Variants in SEMA5A observed in about 807,000 individuals in gnomAD.
SEMA5A encodes semaphorin-5A.
In SEMA5A, 55 loss-of-function variants were observed where a neutral mutation model predicts 135.5. The observed-to-expected ratio is 0.41, with a 90% CI of 0.33 to 0.51. SEMA5A has a LOEUF of 0.51. SEMA5A is among the 20% of genes least tolerant of loss of function. SEMA5A has a pLI of 0.37. For synonymous variants in SEMA5A, 580 were observed against 546.5 expected (o/e 1.06, Z -0.85); for missense variants, 1,290 against 1,419.9 (o/e 0.91, Z 1.47).
intron 8 of SEMA5A, among the ~76,000 whole-genome samples, chr5:9,202,968 A>G (rs1293715995): frequency 6.6e-6 from 1 of 152,168 alleles, no homozygotes; most frequent in Non-Finnish European, 1.5e-5. Context: ...TAGTTTTAAA[A>G]TGGGGAAACA....
chr5:9,527,627 A>C (rs956655705), intron 1 of SEMA5A, among the ~76,000 whole-genome samples: 1 of 152,244 alleles, frequency 6.6e-6, no homozygotes, highest in Non-Finnish European at 1.5e-5. Flanking sequence ...TATTTCTTGA[A>C]TCATCACAAA....
chr5:9,068,118 G>GT (rs1554023192), intron 16 of SEMA5A, among the ~76,000 whole-genome samples: 1 of 152,108 alleles, frequency 6.6e-6, no homozygotes, highest in Non-Finnish European at 1.5e-5. Flanking sequence ...TATAGCTTCT[G>GT]TATCTTCTAA....
At chr5:9,488,633 A>G (rs1279538934) in intron 1 of SEMA5A, among the ~76,000 whole-genome samples, 2 of 152,124 alleles carry the variant, frequency 1.3e-5, no homozygotes, top group East Asian at 1.9e-4. Flanking sequence ...AAGTTAATCA[A>G]TTCCTACACT....
chr5:9,404,219 C>T (rs550500743), intron 2 of SEMA5A, among the ~76,000 whole-genome samples: 1 of 152,294 alleles, frequency 6.6e-6, no homozygotes, highest in South Asian at 2.1e-4. Context: ...CAGGCGTGAG[C>T]CACCATGCCT....
intron 11 of SEMA5A, among the ~76,000 whole-genome samples, chr5:9,160,417 A>T (rs138749474): frequency 2.8e-4 from 42 of 152,294 alleles, no homozygotes; most frequent in African/African-American, 9.9e-4. Context: ...ATGCAAAGAA[A>T]AGTTCACATA....
intron 2 of SEMA5A, among the ~76,000 whole-genome samples, chr5:9,382,086 A>G (rs1373141091): frequency 6.6e-6 from 1 of 151,982 alleles, no homozygotes; most frequent in Non-Finnish European, 1.5e-5. Flanking sequence ...ACCTGAGGTC[A>G]GGAGTTCGAG....
At chr5:9,055,068 C>A (rs912782255) in intron 18 of SEMA5A, among the ~76,000 whole-genome samples, 1 of 152,162 alleles carries the variant, frequency 6.6e-6, no homozygotes, top group South Asian at 2.1e-4. Flanking sequence ...CTCTTGGTAC[C>A]TGTAGACCCG....
chr5:9,271,279 TC>T (rs1368139055), intron 5 of SEMA5A, among the ~76,000 whole-genome samples: 1 of 152,164 alleles, frequency 6.6e-6, no homozygotes, highest in Non-Finnish European at 1.5e-5. Flanking sequence ...AGGCCATGCT[TC>T]CTGTTAAGCC....
At chr5:9,475,008 C>A (rs1014274806) in intron 1 of SEMA5A, among the ~76,000 whole-genome samples, 2 of 152,254 alleles carry the variant, frequency 1.3e-5, no homozygotes, top group Non-Finnish European at 2.9e-5. Context: ...GTGGCACGAT[C>A]TCAGCTCACT....
At chr5:9,354,599 T>C (rs1488244589) in intron 3 of SEMA5A, among the ~76,000 whole-genome samples, 2 of 152,182 alleles carry the variant, frequency 1.3e-5, no homozygotes, top group African/African-American at 4.8e-5. Context: ...GTACCTACTC[T>C]GTGCCTGGTC....
intron 1 of SEMA5A, among the ~76,000 whole-genome samples, chr5:9,530,693 C>G (rs1313408761): frequency 6.6e-6 from 1 of 152,174 alleles, no homozygotes; most frequent in Non-Finnish European, 1.5e-5. Context: ...CCACTCAACT[C>G]AGACCTCAGC....
intron 16 of SEMA5A, among the ~76,000 whole-genome samples, chr5:9,105,426 T>C (rs948952591): frequency 6.6e-6 from 1 of 152,236 alleles, no homozygotes; most frequent in Non-Finnish European, 1.5e-5. Context: ...ATTCTTTCTT[T>C]TTCATAAACT....
intron 1 of SEMA5A, among the ~76,000 whole-genome samples, chr5:9,534,326 G>A (rs1168206832): frequency 1.3e-5 from 2 of 152,208 alleles, no homozygotes; most frequent in Non-Finnish European, 2.9e-5. Context: ...AAGGCAGGAA[G>A]TGTGGGCCCA....
At chr5:9,479,442 C>T (rs758875673) in intron 1 of SEMA5A, among the ~76,000 whole-genome samples, 15 of 151,940 alleles carry the variant, frequency 9.9e-5, no homozygotes, top group South Asian at 2.1e-4. Flanking sequence ...TAAGCGATGG[C>T]GGGATAGTGG....
chr5:9,120,661 A>G (rs1222323937), intron 14 of SEMA5A, among the ~76,000 whole-genome samples: 1 of 152,208 alleles, frequency 6.6e-6, no homozygotes, highest in Non-Finnish European at 1.5e-5. Context: ...ATATAAATAA[A>G]TTACATTTAA....
intron 8 of SEMA5A, among the ~76,000 whole-genome samples, chr5:9,218,413 G>T (rs1341658704): frequency 6.6e-6 from 1 of 152,068 alleles, no homozygotes; most frequent in Admixed American, 6.5e-5. Context: ...ATATGAGCAC[G>T]CAGTAAAAGT....
chr5:9,323,019 A>G (rs147556511), intron 4 of SEMA5A, among the ~76,000 whole-genome samples: 10 of 152,328 alleles, frequency 6.6e-5, no homozygotes, highest in Non-Finnish European at 1.3e-4. Flanking sequence ...GCTGTGATGT[A>G]TGTCTCCCCT....
intron 3 of SEMA5A, among the ~76,000 whole-genome samples, chr5:9,375,166 C>G (rs770564289): frequency 1.2e-4 from 19 of 152,184 alleles, no homozygotes; most frequent in Non-Finnish European, 2.6e-4. Context: ...TCCCCCAACC[C>G]TGCACTGAAA....
intron 2 of SEMA5A, among the ~76,000 whole-genome samples, chr5:9,425,441 A>G (rs2126641287): frequency 6.6e-6 from 1 of 152,274 alleles, no homozygotes; most frequent in East Asian, 1.9e-4. Context: ...GGTCACTTTG[A>G]CTGCAATTTT....
Sources: gnomAD v4.1 joint callset for allele counts (sites outside exome capture counted in the v4.1 genomes callset) on GRCh38, gnomAD v4.1.1 for gene constraint, MANE v1.5 for transcripts, NCBI Gene and HGNC (gene_info 2026-07-23, HGNC 2026-07-21) for gene names.